The following CDK14 variants were observed in gnomAD, a reference collection of about 807,000 sequenced individuals.
CDK14 encodes the protein cyclin dependent kinase 14, also known as cyclin-dependent kinase 14.
Under a neutral mutation model 60.7 loss-of-function variants are expected in CDK14, and 34 were observed. The observed-to-expected ratio is 0.56, with a 90% CI of 0.43 to 0.75. The LOEUF is 0.75. Ranked by LOEUF, CDK14 falls within the 30% of genes least tolerant of loss-of-function variation. The pLI, the probability that CDK14 is intolerant of heterozygous loss-of-function variation, is 0.00. For missense variants in CDK14, 482 were observed against 564.1 expected, an observed-to-expected ratio of 0.85 and a Z score of 1.47; for synonymous variants, 197 against 203.7, an observed-to-expected ratio of 0.97 and a Z score of 0.28.
intron 5 of CDK14, among the ~76,000 whole-genome samples, chr7:90,843,046 GTTAA>G (rs750253889): frequency 2.0e-5 from 3 of 152,144 alleles, no homozygotes; most frequent in Non-Finnish European, 4.4e-5. Flanking sequence ...ATGTTCTTCT[GTTAA>G]TTATTTACCT....
intron 7 of CDK14, among the ~76,000 whole-genome samples, chr7:90,908,438 A>G (rs1792782624): frequency 6.6e-6 from 1 of 152,190 alleles, no homozygotes. Flanking sequence ...GAATCACCCC[A>G]AAGAATGATG....
chr7:90,772,697 C>T (rs1804837407), intron 4 of CDK14, among the ~76,000 whole-genome samples: 1 of 152,134 alleles, frequency 6.6e-6, no homozygotes, highest in Admixed American at 6.6e-5. Flanking sequence ...CCTGAACAGC[C>T]TGTGGAACTG....
At chr7:90,649,371 TTCCTTCCTTCC>T (rs1800564992) in intron 2 of CDK14, among the ~76,000 whole-genome samples, 1 of 41,208 alleles carries the variant, frequency 2.4e-5, no homozygotes, top group Non-Finnish European at 4.5e-5. Context: ...CTTCCTTTCC[TTCCTTCCTTCC>T]TTCCTTCCTT....
intron 2 of CDK14, among the ~76,000 whole-genome samples, chr7:90,665,399 T>G (rs1584779430): frequency 6.6e-6 from 1 of 152,214 alleles, no homozygotes; most frequent in Non-Finnish European, 1.5e-5. Flanking sequence ...AATATAGTGG[T>G]GAATGATAAA....
At chr7:90,857,001 G>A (rs986971972) in intron 5 of CDK14, among the ~76,000 whole-genome samples, 12 of 152,094 alleles carry the variant, frequency 7.9e-5, no homozygotes, top group Non-Finnish European at 1.6e-4. Context: ...AAGTGATGGC[G>A]GATGGGCTGT....
At chr7:90,899,158 A>T (rs1350293300) in intron 6 of CDK14, 133 bp from the exon 7 acceptor site, 4 of 605,184 alleles carry the variant, frequency 6.6e-6, no homozygotes, top group East Asian at 6.9e-5. Flanking sequence ...GCCACTACAT[A>T]CACTGAAAAA....
chr7:90,981,522 A>G (rs1034377844), intron 9 of CDK14, among the ~76,000 whole-genome samples: 30 of 152,230 alleles, frequency 2.0e-4, no homozygotes, highest in African/African-American at 7.0e-4. Flanking sequence ...AATTTCTGCA[A>G]ATACATTACT....
chr7:90,636,254 T>G (rs1800145775), intron 2 of CDK14, among the ~76,000 whole-genome samples: 1 of 152,208 alleles, frequency 6.6e-6, no homozygotes, highest in East Asian at 1.9e-4. Flanking sequence ...CCATTCAGTA[T>G]GATATTGGCT....
chr7:91,053,871 T>G (rs1034417069), intron 11 of CDK14, among the ~76,000 whole-genome samples: 4 of 152,140 alleles, frequency 2.6e-5, no homozygotes, highest in African/African-American at 9.7e-5. Flanking sequence ...GGGAGGCCTG[T>G]GAAGTGCTGA....
At chr7:90,853,394 G>A (rs957001767) in intron 5 of CDK14, among the ~76,000 whole-genome samples, 2 of 151,896 alleles carry the variant, frequency 1.3e-5, no homozygotes, top group African/African-American at 4.8e-5. Context: ...TGTGAGAGAG[G>A]GGAAACCCAA....
At chr7:90,775,253 C>T (rs1486976456) in intron 4 of CDK14, among the ~76,000 whole-genome samples, 1 of 152,170 alleles carries the variant, frequency 6.6e-6, no homozygotes, top group Non-Finnish European at 1.5e-5. Flanking sequence ...GATTCATTCT[C>T]ATCGCGATGC....
chr7:91,207,359 CAAG>C lies in CDK14; in HGVS notation c.*226_*228del, dbSNP rs2116030761. ...ACGCATTTGGATACCTTGTGATTTC[CAAG>C]AACTACGTGAAGATTAAGCTTTGCT... On this transcript the variant is annotated 3_prime_UTR_variant, in exon 15 of 15. Transcript: ENST00000380050. 1 of 152,424 alleles carries C rather than the reference CAAG, an allele frequency of 6.6e-6. No individual in the cohort carries two copies. The highest frequency in any genetic ancestry group is 2.4e-5 in the African/African-American group (1 of 41,566). 9.4% of individuals were successfully genotyped at this position (152,424 alleles called of 1,614,324 possible).
intron 5 of CDK14, among the ~76,000 whole-genome samples, chr7:90,860,411 G>A (rs952351467): frequency 6.6e-6 from 1 of 151,810 alleles, no homozygotes; most frequent in African/African-American, 2.4e-5. Context: ...AAAACTAAGT[G>A]CCCAGTCACG....
intron 3 of CDK14, among the ~76,000 whole-genome samples, chr7:90,742,006 A>G (rs759690735): frequency 6.7e-4 from 102 of 152,024 alleles, no homozygotes; most frequent in African/African-American, 2.3e-3. Flanking sequence ...TCATTTGGCC[A>G]TGGTATATTA....
intron 14 of CDK14, among the ~76,000 whole-genome samples, chr7:91,129,340 G>A (rs1800051500): frequency 6.6e-6 from 1 of 152,132 alleles, no homozygotes; most frequent in Admixed American, 6.6e-5. Context: ...CAATTTTGGA[G>A]GGGGCGGAAA....
chr7:90,965,469 GACACTAATAACA>G (rs1428736060), intron 9 of CDK14, among the ~76,000 whole-genome samples: 2 of 152,312 alleles, frequency 1.3e-5, no homozygotes, highest in East Asian at 3.9e-4. Flanking sequence ...GTTGTCAGTA[GACACTAATAACA>G]CTTAGGTCTT....
intron 9 of CDK14, 112 bp from the exon 10 acceptor site, chr7:90,984,036 A>C: frequency 1.4e-6 from 1 of 726,180 alleles, no homozygotes; most frequent in Non-Finnish European, 2.5e-6. Context: ...GGAAAAAGGA[A>C]ACAGTTTACT....
At chr7:90,973,814 C>G (rs367781259) in intron 9 of CDK14, among the ~76,000 whole-genome samples, 10 of 152,224 alleles carry the variant, frequency 6.6e-5, no homozygotes, top group African/African-American at 2.4e-4. Context: ...AATGAAAGAT[C>G]ACAAGGCAAG....
intron 5 of CDK14, among the ~76,000 whole-genome samples, chr7:90,805,605 C>A (rs1788794776): frequency 6.6e-6 from 1 of 151,434 alleles, no homozygotes; most frequent in Non-Finnish European, 1.5e-5. Flanking sequence ...CTGAAAATTA[C>A]AAAATCTTGA....
Sources: allele counts gnomAD v4.1 joint callset (sites outside exome capture counted in the v4.1 genomes callset), GRCh38; gene constraint gnomAD v4.1.1; transcripts MANE v1.5; gene names NCBI Gene and HGNC (gene_info 2026-07-23, HGNC 2026-07-21).